Variants in NUBPL observed in about 807,000 individuals in gnomAD.
NUBPL encodes the protein iron-sulfur cluster transfer protein NUBPL.
A neutral mutation model predicts 45.7 loss-of-function variants in NUBPL; 31 were observed. The observed-to-expected ratio is 0.68, with a 90% CI of 0.51 to 0.92. The LOEUF (loss-of-function observed/expected upper bound fraction) is 0.92. Among genes scored for constraint, NUBPL ranks in the 40% least tolerant of loss-of-function variants. The probability of loss-of-function intolerance (pLI) is 0.00; values close to 1 mark genes in which losing one functional copy is unlikely to be tolerated. For synonymous variants in NUBPL, 144 were observed against 140.9 expected (o/e 1.02, Z -0.15); for missense variants, 401 against 398.7 (o/e 1.01, Z -0.05).
At chr14:31,808,496 T>G (rs908312342) in intron 7 of NUBPL, among the ~76,000 whole-genome samples, 37 of 152,328 alleles carry the variant, frequency 2.4e-4, no homozygotes, top group African/African-American at 8.4e-4. Flanking sequence ...TGAAGTTGCT[T>G]ATCAGCTTAA....
At chr14:31,809,228 C>T (rs2039751965) in intron 7 of NUBPL, among the ~76,000 whole-genome samples, 1 of 152,132 alleles carries the variant, frequency 6.6e-6, no homozygotes, top group South Asian at 2.1e-4. Flanking sequence ...TAGAATTCGG[C>T]TGTGAATCTG....
At chr14:31,656,229 T>C (rs1158610968) in intron 4 of NUBPL, among the ~76,000 whole-genome samples, 6 of 152,240 alleles carry the variant, frequency 3.9e-5, no homozygotes, top group Admixed American at 3.9e-4. Context: ...GTTAAGAGAA[T>C]GTTGTGGCTG....
At chr14:31,740,359 G>A (rs2038256947) in intron 6 of NUBPL, among the ~76,000 whole-genome samples, 1 of 152,174 alleles carries the variant, frequency 6.6e-6, no homozygotes. Context: ...TAGATATGTA[G>A]TGGTATCTTA....
At chr14:31,840,155 CAT>C (rs1354833685) in intron 8 of NUBPL, among the ~76,000 whole-genome samples, 2 of 152,212 alleles carry the variant, frequency 1.3e-5, no homozygotes, top group African/African-American at 4.8e-5. Flanking sequence ...CCTGCACTCA[CAT>C]GTTTACTGCA....
chr14:31,767,002 AG>A (rs1364115617), intron 6 of NUBPL, among the ~76,000 whole-genome samples: 2 of 152,036 alleles, frequency 1.3e-5, no homozygotes, highest in Admixed American at 1.3e-4. Flanking sequence ...TAAAAAAAAA[AG>A]ATTTTAATCT....
chr14:31,652,098 A>G (rs138438413), intron 4 of NUBPL, among the ~76,000 whole-genome samples: 1 of 152,258 alleles, frequency 6.6e-6, no homozygotes, highest in Non-Finnish European at 1.5e-5. Context: ...AATATATCAT[A>G]TATATACTAC....
chr14:31,704,123 G>T (rs1186860971), intron 6 of NUBPL, among the ~76,000 whole-genome samples: 3 of 152,134 alleles, frequency 2.0e-5, no homozygotes, highest in Non-Finnish European at 2.9e-5. Flanking sequence ...GCTGACAGAG[G>T]GGTGGTGTTG....
chr14:31,805,445 G>A (rs2039666818), intron 7 of NUBPL, among the ~76,000 whole-genome samples: 1 of 152,150 alleles, frequency 6.6e-6, no homozygotes, highest in Non-Finnish European at 1.5e-5. Flanking sequence ...GAATCATTCT[G>A]TCATAAAGAC....
In NUBPL at chr14:31,620,282, A is replaced by G. The variant is rs189635279; in HGVS notation, c.382+20903A>G. ...CACCTTCTGAAGCCTACTACTGTCA[A>G]TTTGTCAAACTCATTCTCTGTCTAG... On this transcript the variant is annotated intron_variant, in intron 4 of 10. Transcript: ENST00000281081. Among the ~76,000 whole-genome samples, 3 of 152,000 alleles carry G rather than the reference A, an allele frequency of 2.0e-5. 1 individual carries two copies. Among genetic ancestry groups the G allele is most frequent in the African/African-American group, 7.2e-5 (3 of 41,470 alleles).
At chr14:31,604,072 T>G (rs2034517824) in intron 4 of NUBPL, among the ~76,000 whole-genome samples, 1 of 152,120 alleles carries the variant, frequency 6.6e-6, no homozygotes, top group Non-Finnish European at 1.5e-5. Flanking sequence ...TTAATTTCTT[T>G]CTTCTTGTTT....
chr14:31,617,173 G>C (rs1002221686), intron 4 of NUBPL, among the ~76,000 whole-genome samples: 25 of 152,152 alleles, frequency 1.6e-4, no homozygotes, highest in Non-Finnish European at 3.4e-4. Context: ...GAGATTTTGG[G>C]CTGAGATGAT....
intron 6 of NUBPL, among the ~76,000 whole-genome samples, chr14:31,774,697 A>G (rs2039068196): frequency 6.6e-6 from 1 of 152,250 alleles, no homozygotes; most frequent in African/African-American, 2.4e-5. Flanking sequence ...TCAGATTATT[A>G]GACATTATTT....
Position 31,562,054 on chromosome 14 carries a change from A to G in NUBPL, c.109-14A>G, listed in dbSNP as rs781546752. 2 of 1,557,314 alleles carry G rather than the reference A, an allele frequency of 1.3e-6. No homozygotes were observed. The highest frequency in any genetic ancestry group is 2.4e-5 in the South Asian group (2 of 84,958). On this transcript the variant is annotated splice_polypyrimidine_tract_variant and intron_variant, in intron 1 of 10. Transcript: ENST00000281081. ...TTATTTAAAACGGCTTTTTATTATTATTATTTTTTAAAGTTGTCTGGCGCC... is the reference window on the plus strand; with the variant it reads ...TTATTTAAAACGGCTTTTTATTATTGTTATTTTTTAAAGTTGTCTGGCGCC...
At chr14:31,625,284 A>C (rs561411102) in intron 4 of NUBPL, among the ~76,000 whole-genome samples, 2 of 152,246 alleles carry the variant, frequency 1.3e-5, no homozygotes, top group African/African-American at 4.8e-5. Flanking sequence ...GTATGTTCAA[A>C]ATTTCAGTTT....
At chr14:31,632,309 G>A (rs940022878) in intron 4 of NUBPL, among the ~76,000 whole-genome samples, 2 of 152,140 alleles carry the variant, frequency 1.3e-5, no homozygotes, top group African/African-American at 2.4e-5. Flanking sequence ...GTCTGCCTTC[G>A]GAGGAACAAT....
chr14:31,590,843 C>G (rs911190696), intron 3 of NUBPL, among the ~76,000 whole-genome samples: 5 of 152,236 alleles, frequency 3.3e-5, no homozygotes, highest in Non-Finnish European at 5.9e-5. Context: ...TATTTGAAGA[C>G]TTTACTTACT....
intron 8 of NUBPL, among the ~76,000 whole-genome samples, chr14:31,837,864 C>T (rs1174169325): frequency 6.6e-6 from 1 of 152,162 alleles, no homozygotes; most frequent in Non-Finnish European, 1.5e-5. Flanking sequence ...TGGGCACAGA[C>T]TCCAGAAAAA....
At chr14:31,694,352 G>A (rs1595504596) in intron 6 of NUBPL, among the ~76,000 whole-genome samples, 2 of 152,124 alleles carry the variant, frequency 1.3e-5, no homozygotes, top group Admixed American at 6.5e-5. Flanking sequence ...GTATAAGGCA[G>A]TATTATTTGG....
chr14:31,577,946 A>T (rs1487980721), intron 3 of NUBPL: 3 of 1,288,792 alleles, frequency 2.3e-6, no homozygotes, highest in Admixed American at 2.3e-5. Flanking sequence ...TAGAGTGACC[A>T]TGACTTTCAC....
Sources: gnomAD v4.1 joint callset for allele counts (sites outside exome capture counted in the v4.1 genomes callset) on GRCh38, gnomAD v4.1.1 for gene constraint, MANE v1.5 for transcripts, NCBI Gene and HGNC (gene_info 2026-07-23, HGNC 2026-07-21) for gene names.